The following ZNF280D variants were observed in gnomAD, a reference collection of about 807,000 sequenced individuals.
ZNF280D encodes the protein zinc finger protein 280D, also known as suppressor of hairy wing homolog 4.
ZNF280D carries 39 observed loss-of-function variants against 94.7 expected under a neutral mutation model. The ratio of observed to expected loss-of-function variants is 0.41; its 90% CI spans 0.32 to 0.54. The LOEUF is 0.54. ZNF280D is among the 20% of genes least tolerant of loss of function. ZNF280D has a pLI of 0.22. For synonymous variants in ZNF280D, 398 were observed against 377.6 expected (o/e 1.05, Z -0.63); for missense variants, 1,090 against 1,149.3 (o/e 0.95, Z 0.75).
chr15:56,637,361 T>C (rs1423886532), intron 20 of ZNF280D, among the ~76,000 whole-genome samples: 1 of 151,828 alleles, frequency 6.6e-6, no homozygotes, highest in Non-Finnish European at 1.5e-5. Context: ...TTTTTTTTTT[T>C]TGTAGAGACG....
chr15:56,637,895 T>A, intron 20 of ZNF280D, among the ~76,000 whole-genome samples: 1 of 152,112 alleles, frequency 6.6e-6, no homozygotes, highest in East Asian at 1.9e-4. Context: ...CTTTTTAATA[T>A]TTTGTGTGAC....
chr15:56,680,712 A>G lies in ZNF280D; in HGVS notation c.1004+1542T>C, dbSNP rs2055560308. Reference sequence around the variant, plus strand: ...GGCTGGTCTGGAACTCCTTTGCTAAAGCGATCATCCTGCCTCAGCCTCCCA... The same window carrying G: ...GGCTGGTCTGGAACTCCTTTGCTAAGGCGATCATCCTGCCTCAGCCTCCCA... On this transcript the variant is annotated intron_variant, in intron 10 of 21. Transcript: ENST00000267807. Among the ~76,000 whole-genome samples, 7 of 150,662 alleles carry G rather than the reference A, an allele frequency of 4.6e-5. No individual in the cohort carries two copies. The South Asian group carries it at 1.5e-3, about 31-fold the overall frequency.
chr15:56,707,000 C>A, intron 3 of ZNF280D, 82 bp downstream of exon 3: 1 of 1,379,288 alleles, frequency 7.3e-7, no homozygotes, highest in South Asian at 1.2e-5. Context: ...TAAAAAATGT[C>A]TCCCAACTTT....
At chr15:56,695,066 T>TTGTG (rs10563061) in intron 6 of ZNF280D, among the ~76,000 whole-genome samples, 173 of 150,552 alleles carry the variant, frequency 1.1e-3, no homozygotes, top group African/African-American at 4.1e-3. Flanking sequence ...TTCACTTCCT[T>TTGTG]TGTGTGTGTG....
chr15:56,659,552 C>G (rs1344373356), intron 16 of ZNF280D, among the ~76,000 whole-genome samples: 1 of 151,720 alleles, frequency 6.6e-6, no homozygotes, highest in Non-Finnish European at 1.5e-5. Flanking sequence ...ATAAATAAAC[C>G]TTTATTATAC....
chr15:56,683,298 T>C (rs1345779478), intron 9 of ZNF280D, among the ~76,000 whole-genome samples: 2 of 152,072 alleles, frequency 1.3e-5, no homozygotes, highest in African/African-American at 4.8e-5. Flanking sequence ...AACGGCAAAG[T>C]ATCCTTGCTT....
intron 4 of ZNF280D, among the ~76,000 whole-genome samples, chr15:56,703,206 T>C (rs1267947161): frequency 6.6e-6 from 1 of 152,210 alleles, no homozygotes; most frequent in Non-Finnish European, 1.5e-5. Context: ...TACCAAGTTG[T>C]TCTGCCCAAA....
intron 1 of ZNF280D, chr15:56,724,814 T>C (rs1596695583): frequency 2.3e-6 from 1 of 439,346 alleles, no homozygotes. Context: ...TACAATGTAG[T>C]GTCACTGAAG....
chr15:56,686,771 T>C (rs572309414), intron 9 of ZNF280D, among the ~76,000 whole-genome samples: 25 of 152,236 alleles, frequency 1.6e-4, no homozygotes, highest in Admixed American at 1.6e-3. Flanking sequence ...GCTTTACCAT[T>C]AAAGAAACTG....
intron 19 of ZNF280D, chr15:56,653,405 T>C: frequency 7.3e-7 from 1 of 1,365,862 alleles, no homozygotes; most frequent in Non-Finnish European, 9.4e-7. Flanking sequence ...ATCAGCCTTA[T>C]GGGAGGCCAG....
At chr15:56,675,130 A>G (rs1466646555) in intron 13 of ZNF280D, among the ~76,000 whole-genome samples, 1 of 152,026 alleles carries the variant, frequency 6.6e-6, no homozygotes, top group Admixed American at 6.6e-5. Context: ...GAAAATTGGC[A>G]GCCATGGCAA....
At chr15:56,664,105 A>G (rs1283054350) in intron 16 of ZNF280D, among the ~76,000 whole-genome samples, 2 of 152,220 alleles carry the variant, frequency 1.3e-5, no homozygotes, top group East Asian at 3.8e-4. Flanking sequence ...AGTGAGTGAC[A>G]ACAATGTCAA....
chr15:56,643,891 T>C (rs983995369), intron 19 of ZNF280D, among the ~76,000 whole-genome samples: 1 of 151,742 alleles, frequency 6.6e-6, no homozygotes, highest in Non-Finnish European at 1.5e-5. Context: ...TTAAATTTCA[T>C]TGACAAAAAA....
intron 3 of ZNF280D, among the ~76,000 whole-genome samples, chr15:56,706,570 G>T (rs1340025280): frequency 6.6e-6 from 1 of 152,038 alleles, no homozygotes; most frequent in Non-Finnish European, 1.5e-5. Context: ...GCCCCCAGAA[G>T]AAATCAATCC....
In ZNF280D at chr15:56,678,825, T is replaced by C. The variant is rs1376059768; in HGVS notation, c.1005-4A>G. ...GTGTTTCATGTGGTTCATAAACCTA[T>C]AAATGGTTGTCAACAGGTGCAAAAC... is the stretch of plus-strand genomic sequence containing the variant. On this transcript the variant is annotated splice_region_variant and splice_polypyrimidine_tract_variant and intron_variant, in intron 10 of 21. Coordinates refer to ENST00000267807, the MANE Select transcript of ZNF280D (RefSeq NM_017661.4). 7.1e-6 allele frequency: 11 copies of C among 1,556,294 alleles called. No individual in the cohort carries two copies. Among genetic ancestry groups the C allele is most frequent in the South Asian group, 2.5e-5 (2 of 81,108 alleles).
chr15:56,708,463 G>C (rs2141264924), intron 1 of ZNF280D, among the ~76,000 whole-genome samples: 1 of 152,252 alleles, frequency 6.6e-6, no homozygotes, highest in Non-Finnish European at 1.5e-5. Context: ...TCAATACCAG[G>C]AACACGGAAT....
chr15:56,732,520 G>A (rs2058941829), intron 1 of ZNF280D: 1 of 152,108 alleles, frequency 6.6e-6, no homozygotes, highest in African/African-American at 2.4e-5. Flanking sequence ...TGTCCTTCTA[G>A]CGTTCCATTT....
At chr15:56,722,701 C>A (rs1012852803) in intron 1 of ZNF280D, among the ~76,000 whole-genome samples, 1 of 152,104 alleles carries the variant, frequency 6.6e-6, no homozygotes, top group African/African-American at 2.4e-5. Flanking sequence ...CTAGACATAC[C>A]ATTTGACCCA....
intron 10 of ZNF280D, 113 bp from the exon 11 acceptor site, chr15:56,678,934 T>A: frequency 9.6e-7 from 1 of 1,038,646 alleles, no homozygotes; most frequent in Non-Finnish European, 1.3e-6. Context: ...ACTCAAACTC[T>A]CAAAAGTCTT....
Sources: gnomAD v4.1 joint callset for allele counts (sites outside exome capture counted in the v4.1 genomes callset) on GRCh38, gnomAD v4.1.1 for gene constraint, MANE v1.5 for transcripts, NCBI Gene and HGNC (gene_info 2026-07-23, HGNC 2026-07-21) for gene names.